Variants in ALPK1 observed in about 807,000 individuals in gnomAD.
ALPK1 encodes alpha-protein kinase 1.
A neutral mutation model predicts 120.6 loss-of-function variants in ALPK1; 110 were observed. The ratio of observed to expected loss-of-function variants is 0.91; its 90% CI spans 0.78 to 1.07. ALPK1 has a LOEUF of 1.07. Ranked by LOEUF, ALPK1 falls within the 50% of genes least tolerant of loss-of-function variation. The pLI is 0.00. For missense variants in ALPK1, 1,498 were observed against 1,483.9 expected (o/e 1.01, Z -0.16); for synonymous variants, 582 against 560.3 (o/e 1.04, Z -0.55).
chr4:112,412,699 A>G lies in ALPK1; in HGVS notation c.475+674A>G, dbSNP rs7668595. 4.7e-3 allele frequency among the ~76,000 whole-genome samples: 710 copies of G among 152,328 alleles called. 6 individuals are homozygous for G. The highest frequency in any genetic ancestry group is 0.016 in the African/African-American group (665 of 41,572). On this transcript the variant is annotated intron_variant, in intron 5 of 15. Coordinates refer to ENST00000650871, the MANE Select transcript of ALPK1 (RefSeq NM_025144.4). ...TTGCTGATAGCCATTAGATTTAGAAACGTGTAGCCTGTTATTCCTGTTTCC... is the reference window on the plus strand; with the variant it reads ...TTGCTGATAGCCATTAGATTTAGAAGCGTGTAGCCTGTTATTCCTGTTTCC...
At chr4:112,385,696 A>G (rs115573067) in intron 4 of ALPK1, among the ~76,000 whole-genome samples, 26 of 152,270 alleles carry the variant, frequency 1.7e-4, no homozygotes, top group African/African-American at 6.3e-4. Flanking sequence ...GTTTGAATAA[A>G]TTCCATGATT....
intron 1 of ALPK1, among the ~76,000 whole-genome samples, chr4:112,303,886 C>T (rs998784326): frequency 3.3e-5 from 5 of 152,096 alleles, no homozygotes; most frequent in Non-Finnish European, 5.9e-5. Context: ...TCTCCTAATG[C>T]TATCCCTCCC....
intron 2 of ALPK1, among the ~76,000 whole-genome samples, chr4:112,327,679 A>T (rs1729176485): frequency 6.6e-6 from 1 of 152,172 alleles, no homozygotes; most frequent in Non-Finnish European, 1.5e-5. Context: ...TCCTGGCATC[A>T]GGTGATCCTC....
In ALPK1 at chr4:112,312,670, G is replaced by A. The variant is rs561428353; in HGVS notation, c.-152-3131G>A. Among the ~76,000 whole-genome samples the A allele has an allele frequency of 2.2e-3, 338 of 152,280 alleles. 1 individual carries two copies. Among genetic ancestry groups the A allele is most frequent in the African/African-American group, 7.5e-3 (311 of 41,554 alleles). ...TTTATCTAGCCCTTGTCAGAAATCT[G>A]GAAACATTGAATAGGCTGGTAATAC... On this transcript the variant is annotated intron_variant, in intron 1 of 15. Transcript: ENST00000650871.
intron 2 of ALPK1, chr4:112,358,330 C>G (rs1730743591): frequency 5.0e-6 from 3 of 596,360 alleles, no homozygotes; most frequent in African/African-American, 3.7e-5. Flanking sequence ...TAGCCCAGTT[C>G]TTCCGTGTTG....
rs1283520761 is a variant in ALPK1, at chr4:112,427,621, A to T, written c.751A>T (p.Lys251Ter). The T allele has an allele frequency of 1.2e-6, 2 of 1,613,996 alleles. No individual in the cohort carries two copies. Among genetic ancestry groups the T allele is most frequent in the Non-Finnish European group, 1.7e-6 (2 of 1,179,982 alleles). The change falls in exon 9 of 16, where the codon AAG becomes TAG. Residue 251 changes from lysine to a stop codon, truncating the protein, a stop_gained. Coordinates refer to ENST00000650871, the MANE Select transcript of ALPK1 (RefSeq NM_025144.4). LOFTEE classifies it high-confidence loss of function. ...GGCAGACATCTTTGTTTCCATGAGC[A>T]AGAACGATTATGAAAAGTTTAAAAA... Reference protein sequence around the residue: ...ILADIFVSMSKNDYEKFKNNP... With the variant: ...ILADIFVSMS
chr4:112,402,460 T>G (rs1448762401), intron 4 of ALPK1, among the ~76,000 whole-genome samples: 3 of 152,236 alleles, frequency 2.0e-5, no homozygotes, highest in African/African-American at 4.8e-5. Context: ...TCTTCAGCAT[T>G]TTTTCAATCA....
chr4:112,381,982 G>T (rs755999510), intron 3 of ALPK1, among the ~76,000 whole-genome samples: 3 of 152,174 alleles, frequency 2.0e-5, no homozygotes, highest in African/African-American at 7.2e-5. Context: ...GCAAAAAGAG[G>T]TTGTACAAAT....
rs190147952 is a variant in ALPK1 at position 112,372,965 on chromosome 4, C to T, written c.-100-4713C>T. On this transcript the variant is annotated intron_variant, in intron 2 of 15. Coordinates refer to ENST00000650871, the MANE Select transcript of ALPK1 (RefSeq NM_025144.4). ...TTATTTCTTTGTGCACGAGCTCTTC[C>T]TATTTCTTTATTACACCTCTCTTTC... Among the ~76,000 whole-genome samples, 296 of 152,282 alleles carry T rather than the reference C, an allele frequency of 1.9e-3. 1 individual carries two copies. The highest frequency in any genetic ancestry group is 4.8e-3 in the African/African-American group (200 of 41,556).
chr4:112,405,514 C>T (rs932262730), intron 4 of ALPK1, among the ~76,000 whole-genome samples: 1 of 152,060 alleles, frequency 6.6e-6, no homozygotes, highest in African/African-American at 2.4e-5. Context: ...GGAAGCGGGG[C>T]CCCTAAAACC....
At chr4:112,360,224 A>T (rs1430418292) in intron 2 of ALPK1, among the ~76,000 whole-genome samples, 10 of 152,084 alleles carry the variant, frequency 6.6e-5, no homozygotes, top group Admixed American at 6.6e-4. Flanking sequence ...ATCCTCCAGG[A>T]TCATCCATGT....
chr4:112,355,935 T>C (rs1730587864), intron 2 of ALPK1, among the ~76,000 whole-genome samples: 1 of 152,234 alleles, frequency 6.6e-6, no homozygotes, highest in African/African-American at 2.4e-5. Flanking sequence ...CCCCCGGTTC[T>C]GGAAGGCTGG....
chr4:112,316,782 G>C (rs968200490), intron 2 of ALPK1, among the ~76,000 whole-genome samples: 1 of 151,782 alleles, frequency 6.6e-6, no homozygotes, highest in African/African-American at 2.4e-5. Flanking sequence ...TTGGAGAAAT[G>C]TCTATTCAAA....
chr4:112,350,384 T>C (rs77860718), intron 2 of ALPK1, among the ~76,000 whole-genome samples: 1 of 152,332 alleles, frequency 6.6e-6, no homozygotes, highest in African/African-American at 2.4e-5. Context: ...TACAATATGC[T>C]TCATGCTGTT....
chr4:112,333,261 A>G (rs563649747), intron 2 of ALPK1, among the ~76,000 whole-genome samples: 1 of 152,304 alleles, frequency 6.6e-6, no homozygotes, highest in East Asian at 1.9e-4. Context: ...TCTCAATTCT[A>G]AAGAGTATAT....
intron 4 of ALPK1, among the ~76,000 whole-genome samples, chr4:112,400,377 A>AC (rs1389065949): frequency 6.6e-6 from 1 of 152,198 alleles, no homozygotes; most frequent in Non-Finnish European, 1.5e-5. Context: ...AAGAATAAGG[A>AC]CCATCTCTTC....
intron 1 of ALPK1, among the ~76,000 whole-genome samples, chr4:112,309,474 C>G (rs1167135194): frequency 2.0e-5 from 3 of 152,164 alleles, no homozygotes; most frequent in Non-Finnish European, 2.9e-5. Flanking sequence ...AGCCTCGCTG[C>G]CACCCTGCAG....
At chr4:112,300,535 A>G (rs1727740136) in intron 1 of ALPK1, among the ~76,000 whole-genome samples, 1 of 152,084 alleles carries the variant, frequency 6.6e-6, no homozygotes, top group Admixed American at 6.6e-5. Context: ...GTGAAAGAAG[A>G]GAGGACGGAG....
intron 1 of ALPK1, among the ~76,000 whole-genome samples, chr4:112,315,246 T>G (rs1455107832): frequency 6.6e-6 from 1 of 152,226 alleles, no homozygotes; most frequent in Non-Finnish European, 1.5e-5. Context: ...GCAACATTTT[T>G]GTATAAATAA....
Sources: gnomAD v4.1 joint callset for allele counts (sites outside exome capture counted in the v4.1 genomes callset) on GRCh38, gnomAD v4.1.1 for gene constraint, MANE v1.5 for transcripts, NCBI Gene and HGNC (gene_info 2026-07-23, HGNC 2026-07-21) for gene names.